Variants in CSMD2 observed in about 807,000 individuals in gnomAD.
CSMD2 encodes CUB and Sushi multiple domains 2.
A neutral mutation model predicts 398.5 loss-of-function variants in CSMD2; 130 were observed. The observed-to-expected ratio is 0.33, with a 90% CI of 0.28 to 0.38. The LOEUF (loss-of-function observed/expected upper bound fraction) is 0.38, where lower values mean the gene tolerates loss of function less well. Among genes scored for constraint, CSMD2 ranks in the 10% least tolerant of loss-of-function variants. The pLI, the probability that CSMD2 is intolerant of heterozygous loss-of-function variation, is 1.00. For synonymous variants in CSMD2, 1,828 were observed against 1,908.5 expected (o/e 0.96, Z 1.10); for missense variants, 3,829 against 4,764.9 (o/e 0.80, Z 5.78).
At chr1:34,066,994 T>G (rs1278138312) in intron 2 of CSMD2, among the ~76,000 whole-genome samples, 1 of 152,178 alleles carries the variant, frequency 6.6e-6, no homozygotes, top group Non-Finnish European at 1.5e-5. Flanking sequence ...TGTCATGCCC[T>G]CGCAGATTCA....
chr1:34,030,493 T>C (rs10914850), intron 3 of CSMD2, among the ~76,000 whole-genome samples: 16,290 of 152,184 alleles, frequency 0.11, 1,264 homozygotes, highest in East Asian at 0.33. Context: ...AGTTCTCTAA[T>C]GCCTGCTGTA....
At chr1:33,695,271 C>A (rs951571640) in intron 24 of CSMD2, among the ~76,000 whole-genome samples, 7 of 152,058 alleles carry the variant, frequency 4.6e-5, no homozygotes, top group Non-Finnish European at 1.0e-4. Flanking sequence ...GGTTGAAGGA[C>A]CTTGGATACC....
intron 3 of CSMD2, among the ~76,000 whole-genome samples, chr1:34,012,948 G>A (rs1359337300): frequency 6.6e-6 from 1 of 152,114 alleles, no homozygotes; most frequent in Non-Finnish European, 1.5e-5. Flanking sequence ...TGTTTTCCTG[G>A]GGTTCCCATC....
chr1:34,059,743 C>T (rs2576003), intron 2 of CSMD2, among the ~76,000 whole-genome samples: 33,908 of 139,954 alleles, frequency 0.24, 4,115 homozygotes, highest in African/African-American at 0.3. Context: ...AATGAATGAA[C>T]GAATGAACAC....
intron 5 of CSMD2, among the ~76,000 whole-genome samples, chr1:33,885,712 G>A (rs545624932): frequency 3.9e-5 from 6 of 152,280 alleles, no homozygotes; most frequent in African/African-American, 1.2e-4. Flanking sequence ...TTTTTAAGTA[G>A]TATGAATTCT....
At position 33,697,898 on chromosome 1, in the gene CSMD2, G is replaced by A. The variant is rs553794711; in HGVS notation, c.3925+855C>T. Among the ~76,000 whole-genome samples the A allele has an allele frequency of 3.1e-4, 47 of 152,336 alleles. 1 individual carries two copies. Among genetic ancestry groups the A allele is most frequent in the Admixed American group, 2.0e-3 (30 of 15,302 alleles). ...CACCAATTTTGGCATGTGGGGCTTG[G>A]TAGGCATGTATGTGTTTTTCCAGTG... On this transcript the variant is annotated intron_variant, in intron 24 of 70. Coordinates refer to ENST00000373381, the MANE Select transcript of CSMD2 (RefSeq NM_001281956.2).
intron 47 of CSMD2, among the ~76,000 whole-genome samples, chr1:33,582,146 C>T (rs1294829186): frequency 6.6e-6 from 1 of 152,144 alleles, no homozygotes; most frequent in East Asian, 1.9e-4. Flanking sequence ...GGGAGAGACA[C>T]TGGGCTCCCT....
chr1:34,073,055 C>A (rs1655914570), intron 2 of CSMD2, among the ~76,000 whole-genome samples: 1 of 152,176 alleles, frequency 6.6e-6, no homozygotes, highest in Non-Finnish European at 1.5e-5. Flanking sequence ...AAGCAGACTG[C>A]AGTAACCCCA....
At chr1:33,769,749 C>A (rs1471610574) in intron 13 of CSMD2, among the ~76,000 whole-genome samples, 1 of 152,148 alleles carries the variant, frequency 6.6e-6, no homozygotes, top group East Asian at 1.9e-4. Flanking sequence ...CCTCTTCAGA[C>A]AACTTCTCAA....
At chr1:33,602,590 C>G in intron 42 of CSMD2, 44 bp from the exon 43 acceptor site, 1 of 1,466,888 alleles carries the variant, frequency 6.8e-7, no homozygotes, top group Non-Finnish European at 9.1e-7. Context: ...GCCTCGGTAC[C>G]CACCTGAGAA....
At chr1:34,059,966 G>T (rs933157062) in intron 2 of CSMD2, among the ~76,000 whole-genome samples, 1 of 152,124 alleles carries the variant, frequency 6.6e-6, no homozygotes, top group African/African-American at 2.4e-5. Context: ...GTCATCATAG[G>T]GTCACCTCTG....
chr1:33,960,534 G>A (rs565909497), intron 3 of CSMD2, among the ~76,000 whole-genome samples: 8 of 152,226 alleles, frequency 5.3e-5, no homozygotes, highest in South Asian at 2.1e-4. Flanking sequence ...CATAGGTCCT[G>A]CCTTCAAGGG....
At chr1:33,869,912 T>C (rs1255008949) in intron 5 of CSMD2, among the ~76,000 whole-genome samples, 2 of 152,220 alleles carry the variant, frequency 1.3e-5, no homozygotes. Flanking sequence ...TGCCAATTGA[T>C]TCTGCACTTG....
At chr1:33,572,404 T>C (rs1039533175) in intron 50 of CSMD2, 102 bp downstream of exon 50, 28 of 1,033,788 alleles carry the variant, frequency 2.7e-5, no homozygotes, top group African/African-American at 1.9e-4. Flanking sequence ...TTTTTTTTTT[T>C]TTCCCCCTCA....
In CSMD2 at chr1:33,772,648, G is replaced by A. The variant is rs142181378; in HGVS notation, c.1767C>T (p.Pro589=). ...HGDTLKFECQ[P]AFELVGQKAI... ...CCTTCTGTCCCACCAGCTCAAAGGC[G>A]GGCTGGCACTCAAACTTGAGTGTGT... Residue 589 remains proline (P), a synonymous_variant, in exon 13 of 71, where the codon CCC becomes CCT. Transcript: ENST00000373381. The A allele has an allele frequency of 1.5e-4, 240 of 1,614,124 alleles. No individual in the cohort carries two copies. The highest frequency in any genetic ancestry group is 3.6e-4 in the East Asian group (16 of 44,876).
intron 6 of CSMD2, among the ~76,000 whole-genome samples, chr1:33,840,430 C>T (rs1660736836): frequency 6.6e-6 from 1 of 152,122 alleles, no homozygotes; most frequent in Non-Finnish European, 1.5e-5. Flanking sequence ...AGGTAGAAGT[C>T]ATTGCCCTCC....
chr1:33,924,836 C>T (rs1644069090), intron 4 of CSMD2, among the ~76,000 whole-genome samples: 1 of 152,044 alleles, frequency 6.6e-6, no homozygotes, highest in Admixed American at 6.6e-5. Context: ...ATTTTAATGT[C>T]TTCTTTTGAA....
At chr1:34,119,750 T>C (rs192651213) in intron 1 of CSMD2, among the ~76,000 whole-genome samples, 5 of 152,284 alleles carry the variant, frequency 3.3e-5, no homozygotes, top group Admixed American at 3.3e-4. Flanking sequence ...ATAGCCACCA[T>C]CCACAAAACA....
chr1:33,563,339 CAG>C, intron 53 of CSMD2, among the ~76,000 whole-genome samples: 1 of 152,088 alleles, frequency 6.6e-6, no homozygotes, highest in South Asian at 2.1e-4. Context: ...GAAGGAGATC[CAG>C]AGACTGGTGG....
Sources: gnomAD v4.1 joint callset for allele counts (sites outside exome capture counted in the v4.1 genomes callset) on GRCh38, gnomAD v4.1.1 for gene constraint, MANE v1.5 for transcripts, NCBI Gene and HGNC (gene_info 2026-07-23, HGNC 2026-07-21) for gene names.